ALPK1: variants seen among roughly 807,000 people sequenced by gnomAD.
ALPK1 encodes the protein alpha-protein kinase 1.
In ALPK1, 110 loss-of-function variants were observed where a neutral mutation model predicts 120.6. The ratio of observed to expected loss-of-function variants is 0.91; its 90% CI spans 0.78 to 1.07. The LOEUF (loss-of-function observed/expected upper bound fraction) is 1.07, where lower values mean the gene tolerates loss of function less well. Ranked by LOEUF, ALPK1 falls within the 50% of genes least tolerant of loss-of-function variation. The pLI is 0.00. For missense variants in ALPK1, 1,498 were observed against 1,483.9 expected, an observed-to-expected ratio of 1.01 and a Z score of -0.16; for synonymous variants, 582 against 560.3, an observed-to-expected ratio of 1.04 and a Z score of -0.55.
intron 2 of ALPK1, chr4:112,352,585 T>G (rs1468367648): frequency 1.3e-5 from 2 of 152,246 alleles, no homozygotes; most frequent in African/African-American, 2.4e-5. Flanking sequence ...ATGTAAATGC[T>G]ATGTAAATAG....
At chr4:112,323,199 T>C (rs755832427) in intron 2 of ALPK1, among the ~76,000 whole-genome samples, 6 of 152,236 alleles carry the variant, frequency 3.9e-5, no homozygotes, top group Non-Finnish European at 8.8e-5. Context: ...CATCTTTCAA[T>C]GTCCTAGTCG....
Position 112,432,112 on chromosome 4 carries a change from G to A in ALPK1, c.2565G>A (p.Gly855=), listed in dbSNP as rs867191939. Residue 855 remains glycine, a synonymous_variant, in exon 11 of 16, where the codon GGG becomes GGA. Coordinates refer to ENST00000650871, the MANE Select transcript of ALPK1 (RefSeq NM_025144.4). ...ATGCCTCCACAGTGGATGAGGAGGG[G>A]CAACTGCTCGACAGCATGGATGTTC... ...DPDASTVDEE[G]QLLDSMDVPC... 2 of 1,614,194 alleles carry A rather than the reference G, an allele frequency of 1.2e-6. No homozygotes were observed. The highest frequency in any genetic ancestry group is 1.7e-6 in the Non-Finnish European group (2 of 1,180,032).
At chr4:112,311,716 C>T (rs575474777) in intron 1 of ALPK1, among the ~76,000 whole-genome samples, 4 of 152,290 alleles carry the variant, frequency 2.6e-5, no homozygotes, top group South Asian at 4.1e-4. Flanking sequence ...CTATCAACTG[C>T]GCCATGCCTG....
intron 3 of ALPK1, among the ~76,000 whole-genome samples, chr4:112,381,418 A>T (rs995543739): frequency 8.5e-5 from 13 of 152,334 alleles, no homozygotes; most frequent in Middle Eastern, 6.8e-3. Flanking sequence ...CAAGACAAGT[A>T]CCTAGAGATT....
chr4:112,318,817 T>G (rs17044404), intron 2 of ALPK1, among the ~76,000 whole-genome samples: 13,525 of 152,270 alleles, frequency 0.089, 910 homozygotes, highest in Admixed American at 0.22. Context: ...GAAACTGAAT[T>G]ATGACAGAGC....
intron 2 of ALPK1, among the ~76,000 whole-genome samples, chr4:112,325,609 T>TA (rs1203873385): frequency 6.6e-6 from 1 of 152,162 alleles, no homozygotes; most frequent in Non-Finnish European, 1.5e-5. Context: ...CCATAAAACT[T>TA]ACGGGGCAAT....
chr4:112,375,393 T>A (rs796655209), intron 2 of ALPK1, among the ~76,000 whole-genome samples: 33 of 152,308 alleles, frequency 2.2e-4, no homozygotes, highest in African/African-American at 7.2e-4. Context: ...TTGCCCAGGC[T>A]GGGCATTAAT....
At chr4:112,319,478 A>T (rs1163926066) in intron 2 of ALPK1, among the ~76,000 whole-genome samples, 2 of 152,184 alleles carry the variant, frequency 1.3e-5, no homozygotes, top group Admixed American at 6.5e-5. Flanking sequence ...AGAAAGTGTG[A>T]TGCCTACGGA....
intron 4 of ALPK1, among the ~76,000 whole-genome samples, chr4:112,400,903 C>T (rs1392755134): frequency 6.6e-6 from 1 of 152,120 alleles, no homozygotes; most frequent in African/African-American, 2.4e-5. Context: ...CCAGGTATGT[C>T]ACCCCCATCA....
intron 2 of ALPK1, among the ~76,000 whole-genome samples, chr4:112,329,515 G>C (rs564828713): frequency 1.3e-5 from 2 of 152,252 alleles, no homozygotes; most frequent in East Asian, 3.9e-4. Flanking sequence ...AGGCCATTTT[G>C]GTTTTGGGGT....
chr4:112,377,885 C>A lies in ALPK1; in HGVS notation c.108C>A (p.Asp36Glu), dbSNP rs1404365726. ...TGTCGGAAGAGGACAAGAGCGAGGA[C>A]CAGCGCTGCAGAGGTGAGGTTCTGA... ...PDVSEEDKSE[D>E]QRCRALLPSE... Residue 36 changes from aspartate to glutamate, a missense_variant, in exon 3 of 16, where the codon GAC becomes GAA. Asp to Glu is a conservative substitution (Grantham distance 45). Transcript: ENST00000650871. 1 of 1,611,624 alleles carries A rather than the reference C, an allele frequency of 6.2e-7. No individual in the cohort carries two copies. The highest frequency in any genetic ancestry group is 1.1e-5 in the South Asian group (1 of 90,636).
Position 112,430,870 on chromosome 4 carries a change from G to A in ALPK1, c.1323G>A (p.Leu441=). 6.2e-7 allele frequency: 1 copy of A among 1,614,110 alleles called. No homozygotes were observed. The highest frequency in any genetic ancestry group is 1.1e-5 in the South Asian group (1 of 91,084). The change falls in exon 11 of 16, where the codon TTG becomes TTA. Residue 441 remains leucine (L), a synonymous_variant. Transcript: ENST00000650871. ...SYVPESFECR[L]DKLILHGQGD... The stretch of plus-strand genomic sequence containing the variant: ...TTCCCGAGAGTTTCGAGTGCAGGTT[G>A]GATAAACTTATCTTGCATGGGCAAG...
At chr4:112,325,327 A>G (rs1172144928) in intron 2 of ALPK1, among the ~76,000 whole-genome samples, 1 of 152,220 alleles carries the variant, frequency 6.6e-6, no homozygotes, top group East Asian at 1.9e-4. Flanking sequence ...AAAATTGTAA[A>G]TTGAACTACA....
At chr4:112,382,743 G>A (rs1005016958) in intron 4 of ALPK1, 191 bp downstream of exon 4, 8 of 747,060 alleles carry the variant, frequency 1.1e-5, no homozygotes, top group Admixed American at 5.6e-5. Context: ...ATCTTGTGTT[G>A]TAAAGCCAAA....
intron 4 of ALPK1, among the ~76,000 whole-genome samples, chr4:112,385,647 C>A (rs968101320): frequency 1.3e-5 from 2 of 152,088 alleles, no homozygotes; most frequent in African/African-American, 2.4e-5. Flanking sequence ...GTCAGGCACT[C>A]CTAAAATCTA....
intron 2 of ALPK1, among the ~76,000 whole-genome samples, chr4:112,367,458 A>G (rs1731210236): frequency 1.3e-5 from 2 of 152,238 alleles, no homozygotes; most frequent in African/African-American, 2.4e-5. Context: ...TACAAAAAAT[A>G]TCAAAAAATA....
intron 2 of ALPK1, chr4:112,359,832 GC>G: frequency 2.7e-6 from 1 of 373,282 alleles, no homozygotes; most frequent in South Asian, 2.2e-5. Context: ...GCCCATGGAG[GC>G]CCTCAGCATG....
In ALPK1 at chr4:112,425,919, A is replaced by G. The variant is rs140834461; in HGVS notation, c.622+168A>G. 4.9e-4 allele frequency: 245 copies of G among 499,330 alleles called. 2 individuals are homozygous for G. In the East Asian group the frequency reaches 8.7e-3, roughly 18 times the overall value. 30.9% of individuals were successfully genotyped at this position (499,330 alleles called of 1,614,324 possible). ...ATTTAAGATCCTAGGAGTGTCACAA[A>G]TATTAATAAAATGTGTTTTTTTCTA... On this transcript the variant is annotated intron_variant, in intron 7 of 15. Coordinates refer to ENST00000650871, the MANE Select transcript of ALPK1 (RefSeq NM_025144.4).
At position 112,435,133 on chromosome 4, in the gene ALPK1, C is replaced by A; in HGVS notation, c.3035-15C>A. On this transcript the variant is annotated splice_polypyrimidine_tract_variant and intron_variant, in intron 11 of 15. Transcript: ENST00000650871. ...TTTTGAAAATAAGATTCATTTTCAT[C>A]TTTTTTTTTCCCAGGTGCTCTTTTG... The A allele has an allele frequency of 1.3e-6, 2 of 1,545,236 alleles. No homozygotes were observed. The highest frequency in any genetic ancestry group is 1.8e-6 in the Non-Finnish European group (2 of 1,136,638).
Sources: allele counts gnomAD v4.1 joint callset (sites outside exome capture counted in the v4.1 genomes callset), GRCh38; gene constraint gnomAD v4.1.1; transcripts MANE v1.5; gene names NCBI Gene and HGNC (gene_info 2026-07-23, HGNC 2026-07-21).